IL3RA: variants seen among roughly 807,000 people sequenced by gnomAD.
The protein encoded by IL3RA is interleukin-3 receptor subunit alpha.
IL3RA carries 73 observed loss-of-function variants against 52.3 expected under a neutral mutation model. The ratio of observed to expected loss-of-function variants is 1.40; its 90% CI spans 1.16 to 1.70. IL3RA has a LOEUF of 1.70. Among genes scored for constraint, IL3RA ranks in the 40% most tolerant of loss-of-function variants. IL3RA has a pLI of 0.00. For missense variants in IL3RA, 664 were observed against 504.4 expected (o/e 1.32, Z -3.03); for synonymous variants, 260 against 194.0 (o/e 1.34, Z -2.83).
At chrX:1,345,529 G>A (rs750589847) in intron 3 of IL3RA, 95 bp downstream of exon 3, 29 of 853,018 alleles carry the variant, frequency 3.4e-5, no homozygotes, top group Admixed American at 9.9e-5. Context: ...TTGCTCTGTC[G>A]CCCAGGCTGG....
In IL3RA at chrX:1,358,999, G is replaced by C. The variant is rs1160083607; in HGVS notation, c.759+112G>C. On this transcript the variant is annotated intron_variant, in intron 8 of 11. Coordinates refer to ENST00000331035, the MANE Select transcript of IL3RA (RefSeq NM_002183.4). ...TAATAATTCTTATTAATAAAATAAT[G>C]AAAATATTATTAATAATAAATGTTA... is the stretch of plus-strand genomic sequence containing the variant. 4.0e-6 allele frequency: 3 copies of C among 746,190 alleles called. No individual in the cohort carries two copies. The East Asian group carries it at 1.2e-4, about 29-fold the overall frequency. The allele number at this position is 746,190 out of a possible 1,614,324, so 46.2% of individuals were successfully genotyped here. A position where few individuals can be genotyped will look rare whatever the true frequency, so the allele number is the denominator to read the frequency against.
intron 8 of IL3RA, among the ~76,000 whole-genome samples, chrX:1,362,379 TTG>T (rs1306085926): frequency 6.7e-6 from 1 of 149,384 alleles, no homozygotes; most frequent in Non-Finnish European, 1.5e-5. Flanking sequence ...CTCTGTCTCT[TTG>T]TCTCTGTCTG....
intron 10 of IL3RA, among the ~76,000 whole-genome samples, chrX:1,380,369 C>T (rs1288357118): frequency 8.9e-6 from 1 of 111,900 alleles, no homozygotes; most frequent in African/African-American, 3.6e-5. Context: ...GCTTCACAAT[C>T]TGTCAAATGG....
chrX:1,362,328 CCT>C (rs1240342762), intron 8 of IL3RA, among the ~76,000 whole-genome samples: 2 of 118,656 alleles, frequency 1.7e-5, no homozygotes, highest in Non-Finnish European at 3.6e-5. Context: ...TCCGTCTCTC[CCT>C]GTCTGTTTCT....
rs1569526113 is a variant in IL3RA at position 1,365,265 on chromosome X, TGCGGGGTGCGCGGGGTGA to T, written c.874+22_874+39del. 8 of 1,488,082 alleles carry T rather than the reference TGCGGGGTGCGCGGGGTGA, an allele frequency of 5.4e-6. No individual in the cohort carries two copies. The highest frequency in any genetic ancestry group is 3.6e-5 in the Admixed American group (2 of 56,024). 92.2% of individuals were successfully genotyped at this position (1,488,082 alleles called of 1,614,324 possible). ...CCCCAGCGCTTCGGTGAGTGGGCTG[TGCGGGGTGCGCGGGGTGA>T]GCGGGGTGAGCGGGGTGCGCGGGGT... On this transcript the variant is annotated intron_variant, in intron 9 of 11. Coordinates refer to ENST00000331035, the MANE Select transcript of IL3RA (RefSeq NM_002183.4).
Position 1,356,294 on chromosome X carries a change from T to A in IL3RA, c.690T>A (p.Ser230Arg), listed in dbSNP as rs759985201. The change falls in exon 7 of 12, where the codon AGT (serine) becomes AGA (arginine). Residue 230 changes from serine to arginine, a missense_variant. Ser to Arg is a moderately radical substitution (Grantham distance 110). Coordinates refer to ENST00000331035, the MANE Select transcript of IL3RA (RefSeq NM_002183.4). ...THSFMHWKMRSHFNRKFRYEL... is the reference protein window; with the variant it reads ...THSFMHWKMRRHFNRKFRYEL... ...CCTTTATGCACTGGAAAATGAGAAG[T>A]CATTTCAATCGCAAATTTCGCTATG... The A allele has an allele frequency of 1.4e-5, 23 of 1,613,432 alleles. No homozygotes were observed. The highest frequency in any genetic ancestry group is 1.7e-5 in the Non-Finnish European group (20 of 1,179,708).
At chrX:1,358,640 C>T (rs1402273980) in intron 7 of IL3RA, among the ~76,000 whole-genome samples, 2 of 152,164 alleles carry the variant, frequency 1.3e-5, no homozygotes, top group East Asian at 1.9e-4. Context: ...GCCTGGGTGA[C>T]GGAGTGAGAC....
intron 10 of IL3RA, among the ~76,000 whole-genome samples, chrX:1,379,446 G>A (rs1259469900): frequency 6.8e-6 from 1 of 147,680 alleles, no homozygotes. Flanking sequence ...GTGAGCCACC[G>A]CACCTGGCCC....
At chrX:1,357,398 T>C (rs750294895) in intron 7 of IL3RA, among the ~76,000 whole-genome samples, 13 of 152,180 alleles carry the variant, frequency 8.5e-5, no homozygotes, top group African/African-American at 2.9e-4. Context: ...TCCTGCTCTG[T>C]TGCCCAGGCT....
chrX:1,347,774 C>T (rs1442375271), intron 3 of IL3RA, among the ~76,000 whole-genome samples: 4 of 151,748 alleles, frequency 2.6e-5, no homozygotes, highest in African/African-American at 7.3e-5. Context: ...CGCGGTGGCT[C>T]ACGCCTGTCA....
intron 1 of IL3RA, 100 bp from the exon 2 acceptor site, chrX:1,341,628 T>G: frequency 1.2e-6 from 1 of 860,258 alleles, no homozygotes; most frequent in South Asian, 1.6e-5. Context: ...CAGCTCCTTC[T>G]GCTGTGAGCA....
chrX:1,355,474 A>AGGGGGAGGAGGGGGAGGC (rs1569523230), intron 6 of IL3RA, among the ~76,000 whole-genome samples: 1 of 56,048 alleles, frequency 1.8e-5, no homozygotes, highest in Non-Finnish European at 3.6e-5. Flanking sequence ...GAGGGGGAGG[A>AGGGGGAGGAGGGGGAGGC]GGAGGAGGGG....
chrX:1,356,258 T>C lies in IL3RA; in HGVS notation c.654T>C (p.Asn218=). The change falls in exon 7 of 12, where the codon AAT becomes AAC. Residue 218 remains asparagine, a synonymous_variant. Coordinates refer to ENST00000331035, the MANE Select transcript of IL3RA (RefSeq NM_002183.4). ...CACCCAACATGACTGCAAAGTGTAA[T>C]AAGACACATTCCTTTATGCACTGGA... ...LTPPNMTAKC[N]KTHSFMHWKM... is the part of the protein sequence containing the mutation. 1 of 1,613,590 alleles carries C rather than the reference T, an allele frequency of 6.2e-7. No individual in the cohort carries two copies. The highest frequency in any genetic ancestry group is 1.3e-5 in the African/African-American group (1 of 75,032).
chrX:1,348,973 CTCTT>C (rs1203497448), intron 4 of IL3RA, among the ~76,000 whole-genome samples: 3 of 149,002 alleles, frequency 2.0e-5, no homozygotes, highest in African/African-American at 5.0e-5. Context: ...CTCTCTCTCT[CTCTT>C]TCTCTCTTTC....
intron 6 of IL3RA, among the ~76,000 whole-genome samples, chrX:1,353,209 T>C (rs1328165610): frequency 3.4e-3 from 158 of 46,494 alleles, no homozygotes; most frequent in South Asian, 0.014. Context: ...ATGGGTTCCA[T>C]CATGGGTAAT....
At chrX:1,380,951 G>A in intron 10 of IL3RA, 72 bp from the exon 11 acceptor site, 1 of 1,289,816 alleles carries the variant, frequency 7.8e-7, no homozygotes, top group Non-Finnish European at 1.1e-6. Context: ...GTCTGTCCTG[G>A]ACACGCTGTG....
chrX:1,359,421 CT>C (rs2086990952), intron 8 of IL3RA, among the ~76,000 whole-genome samples: 1 of 152,078 alleles, frequency 6.6e-6, no homozygotes, highest in Admixed American at 6.6e-5. Context: ...CTGTCCATCT[CT>C]TTCCCCGTAT....
intron 1 of IL3RA, among the ~76,000 whole-genome samples, chrX:1,339,621 A>G (rs1167860388): frequency 1.3e-5 from 2 of 151,992 alleles, no homozygotes; most frequent in South Asian, 2.1e-4. Context: ...GTGAAACACC[A>G]TCTCTACTAA....
intron 2 of IL3RA, among the ~76,000 whole-genome samples, chrX:1,343,405 C>T (rs1421954317): frequency 6.6e-6 from 1 of 151,992 alleles, no homozygotes; most frequent in Non-Finnish European, 1.5e-5. Context: ...CGGCTCACGT[C>T]TGTAATCCCA....
Sources: allele counts gnomAD v4.1 joint callset (sites outside exome capture counted in the v4.1 genomes callset), GRCh38; gene constraint gnomAD v4.1.1; transcripts MANE v1.5; gene names NCBI Gene and HGNC (gene_info 2026-07-23, HGNC 2026-07-21).